Variants in CEP43 observed in about 807,000 individuals in gnomAD.
CEP43 encodes FGFR1 oncogene partner.
A neutral mutation model predicts 52.6 loss-of-function variants in CEP43; 36 were observed. The ratio of observed to expected loss-of-function variants is 0.68; its 90% CI spans 0.52 to 0.90. The LOEUF is 0.90. Ranked by LOEUF, CEP43 falls within the 40% of genes least tolerant of loss-of-function variation. The pLI, the probability that CEP43 is intolerant of heterozygous loss-of-function variation, is 0.00. For synonymous variants in CEP43, 192 were observed against 172.4 expected (o/e 1.11, Z -0.89); for missense variants, 506 against 472.8 (o/e 1.07, Z -0.65).
chr6:167,020,325 C>T (rs957696930), intron 7 of CEP43, among the ~76,000 whole-genome samples: 1 of 152,142 alleles, frequency 6.6e-6, no homozygotes, highest in African/African-American at 2.4e-5. Flanking sequence ...ATATATCTTG[C>T]CTACTGTCAA....
chr6:167,027,997 G>A (rs1780390551), intron 10 of CEP43: 1 of 985,718 alleles, frequency 1.0e-6, no homozygotes, highest in Non-Finnish European at 1.2e-6. Flanking sequence ...CAGCTAGGTG[G>A]GCCTGCCTCC....
chr6:167,000,410 C>G (rs1441865918), intron 2 of CEP43, among the ~76,000 whole-genome samples: 1 of 152,170 alleles, frequency 6.6e-6, no homozygotes, highest in Non-Finnish European at 1.5e-5. Flanking sequence ...AGTGCAGGTT[C>G]ACTCAGATCC....
At chr6:167,012,652 C>T (rs538040628) in intron 6 of CEP43, among the ~76,000 whole-genome samples, 4 of 152,146 alleles carry the variant, frequency 2.6e-5, no homozygotes, top group Admixed American at 2.6e-4. Context: ...TGTATGTCTT[C>T]AGGGTAAAAT....
intron 2 of CEP43, among the ~76,000 whole-genome samples, chr6:167,002,207 A>G (rs1274616719): frequency 6.6e-6 from 1 of 151,302 alleles, no homozygotes; most frequent in Non-Finnish European, 1.5e-5. Context: ...CCTCTCCCCC[A>G]CCCCAAACCT....
rs1780675310 is a variant in CEP43 at position 167,040,592 on chromosome 6, G to A, written c.*614G>A. The A allele has an allele frequency of 9.5e-7, 1 of 1,047,438 alleles. No individual in the cohort carries two copies. The highest frequency in any genetic ancestry group is 4.3e-5 in the South Asian group (1 of 23,244). The allele number at this position is 1,047,438 out of a possible 1,614,324, so 64.9% of individuals were successfully genotyped here. ...TTGTGTGTGCTATTTAGTTTTGCTT[G>A]TTTTAAAGAAATCTAGAAGTGGTTA... On this transcript the variant is annotated 3_prime_UTR_variant, in exon 13 of 13. Transcript: ENST00000366847.
At chr6:167,022,033 A>G (rs1421096980) in intron 7 of CEP43, among the ~76,000 whole-genome samples, 1 of 152,234 alleles carries the variant, frequency 6.6e-6, no homozygotes, top group Non-Finnish European at 1.5e-5. Flanking sequence ...TTATGAAGCA[A>G]TGACATATGG....
At position 167,004,341 on chromosome 6, in the gene CEP43, CTTA is replaced by C; in HGVS notation, c.385_387del (p.Leu129del). On this transcript the variant is annotated inframe_deletion, in exon 5 of 13. Coordinates refer to ENST00000366847, the MANE Select transcript of CEP43 (RefSeq NM_007045.4). ...AAGCAGAAGGTACTGTGGGTGGACC[CTTA>C]TTATTAGAAGTGATCAGGCGCTGTC... 3.7e-6 allele frequency: 6 copies of C among 1,610,394 alleles called. No homozygotes were observed. Among genetic ancestry groups the C allele is most frequent in the Non-Finnish European group, 3.4e-6 (4 of 1,177,994 alleles).
In CEP43 at chr6:167,041,029, A is replaced by G. The variant is rs551191574; in HGVS notation, c.*1051A>G. 6.8e-6 allele frequency: 7 copies of G among 1,029,244 alleles called. No homozygotes were observed. The highest frequency in any genetic ancestry group is 1.2e-4 in the East Asian group (2 of 16,094). 63.8% of individuals were successfully genotyped at this position (1,029,244 alleles called of 1,614,324 possible). A position where few individuals can be genotyped will look rare whatever the true frequency, so the allele number is the denominator to read the frequency against. The stretch of plus-strand genomic sequence containing the variant: ...AAAATGTGCAAGTAGAAAAAACAGT[A>G]GAAAGTGATGCATGCATATTTATAT... On this transcript the variant is annotated 3_prime_UTR_variant, in exon 13 of 13. Transcript: ENST00000366847.
chr6:167,000,282 T>C (rs919166108), intron 2 of CEP43, among the ~76,000 whole-genome samples, 169 bp downstream of exon 2: 16 of 152,230 alleles, frequency 1.1e-4, no homozygotes, highest in African/African-American at 3.9e-4. Context: ...TTTTTTCGTG[T>C]AGCTTTTGAA....
At chr6:167,024,743 A>G in intron 8 of CEP43, 39 bp from the exon 9 acceptor site, 1 of 1,399,328 alleles carries the variant, frequency 7.1e-7, no homozygotes, top group African/African-American at 1.4e-5. Context: ...TAGTGGCAGA[A>G]CATAAGAGCA....
chr6:167,031,380 G>A (rs1780467545), intron 10 of CEP43, among the ~76,000 whole-genome samples: 1 of 152,152 alleles, frequency 6.6e-6, no homozygotes, highest in Non-Finnish European at 1.5e-5. Context: ...AGCAGTATTT[G>A]GTTTGTTCCA....
In CEP43 at chr6:167,046,358, A is replaced by G. The variant is rs1265309495; in HGVS notation, c.*6380A>G. 6.6e-6 allele frequency: 1 copy of G among 152,226 alleles called. No homozygotes were observed. Among genetic ancestry groups the G allele is most frequent in the Non-Finnish European group, 1.5e-5 (1 of 68,004 alleles). 9.4% of individuals were successfully genotyped at this position (152,226 alleles called of 1,614,324 possible). A position where few individuals can be genotyped will look rare whatever the true frequency, so the allele number is the denominator to read the frequency against. ...AGAGAAGGAGAAAGGAAGAAAGGGAAGGAAAATGGAATGGAGGAAGGGAAA... is the reference window on the plus strand; with the variant it reads ...AGAGAAGGAGAAAGGAAGAAAGGGAGGGAAAATGGAATGGAGGAAGGGAAA... On this transcript the variant is annotated 3_prime_UTR_variant, in exon 13 of 13. Coordinates refer to ENST00000366847, the MANE Select transcript of CEP43 (RefSeq NM_007045.4).
At position 167,003,966 on chromosome 6, in the gene CEP43, G is replaced by A. The variant is rs1244776941; in HGVS notation, c.300+155G>A. 6 of 618,448 alleles carry A rather than the reference G, an allele frequency of 9.7e-6. No individual in the cohort carries two copies. The East Asian group carries it at 1.7e-4, about 17-fold the overall frequency. 38.3% of individuals were successfully genotyped at this position (618,448 alleles called of 1,614,324 possible). The stretch of plus-strand genomic sequence containing the variant: ...TCTGTTTTTCTTAAAAGCCATATGA[G>A]CTTTCAGATAGCTGGCACCAGTGTT... On this transcript the variant is annotated intron_variant, in intron 4 of 12. Coordinates refer to ENST00000366847, the MANE Select transcript of CEP43 (RefSeq NM_007045.4).
intron 7 of CEP43, among the ~76,000 whole-genome samples, chr6:167,022,191 A>G (rs1780249840): frequency 6.6e-6 from 1 of 151,756 alleles, no homozygotes; most frequent in South Asian, 2.1e-4. Flanking sequence ...TTGCCATGTT[A>G]GGAATCCTGG....
chr6:167,038,247 C>CT (rs1243660633), intron 12 of CEP43, among the ~76,000 whole-genome samples: 1 of 152,152 alleles, frequency 6.6e-6, no homozygotes, highest in African/African-American at 2.4e-5. Flanking sequence ...TCTTACAACA[C>CT]TTTGTGAACC....
chr6:167,031,523 T>TA (rs2128666816), intron 10 of CEP43, among the ~76,000 whole-genome samples: 1 of 152,326 alleles, frequency 6.6e-6, no homozygotes, highest in Non-Finnish European at 1.5e-5. Context: ...GTAAGAGAAT[T>TA]ACATTGTCTA....
chr6:167,021,105 A>G (rs989282400), intron 7 of CEP43, among the ~76,000 whole-genome samples: 2 of 151,898 alleles, frequency 1.3e-5, no homozygotes, highest in Admixed American at 6.6e-5. Flanking sequence ...AATGGAGTTA[A>G]TAATTTTGGA....
intron 10 of CEP43, among the ~76,000 whole-genome samples, chr6:167,030,206 T>G (rs764552149): frequency 6.6e-6 from 1 of 152,208 alleles, no homozygotes; most frequent in Non-Finnish European, 1.5e-5. Context: ...CCAGTTAGCT[T>G]TCTTTAAATC....
rs1156989138 is a variant in CEP43, at chr6:167,050,408, A to G, written c.*10430A>G. 3.3e-5 allele frequency: 5 copies of G among 152,306 alleles called. No individual in the cohort carries two copies. The highest frequency in any genetic ancestry group is 7.4e-5 in the Non-Finnish European group (5 of 68,024). The allele number at this position is 152,306 out of a possible 1,614,324, so 9.4% of individuals were successfully genotyped here. ...GAACGGACTAATACAGGTGTTTTTT[A>G]GGTCTTGTTATTGTGTCGTTCACGT... On this transcript the variant is annotated 3_prime_UTR_variant, in exon 13 of 13. Transcript: ENST00000366847.
Sources: allele counts gnomAD v4.1 joint callset (sites outside exome capture counted in the v4.1 genomes callset), GRCh38; gene constraint gnomAD v4.1.1; transcripts MANE v1.5; gene names NCBI Gene and HGNC (gene_info 2026-07-23, HGNC 2026-07-21).